The following CSNK2A2IP variants were observed in gnomAD, a reference collection of about 807,000 sequenced individuals.
The protein encoded by CSNK2A2IP is casein kinase 2 subunit alpha' interacting protein, also known as casein kinase II subunit alpha'-interacting protein.
the CSNK2A2IP span, among the ~76,000 whole-genome samples, chr3:88,408,942 C>T: frequency 6.6e-6 from 1 of 151,898 alleles, no homozygotes; most frequent in South Asian, 2.1e-4. Flanking sequence ...TCAGCCACGA[C>T]CACTATTGCC....
At chr3:88,392,947 G>T in the CSNK2A2IP span, among the ~76,000 whole-genome samples, 2 of 152,062 alleles carry the variant, frequency 1.3e-5, no homozygotes, top group Admixed American at 1.3e-4. Flanking sequence ...AATAGCACAA[G>T]GTTTAGGGAA....
chr3:88,342,748 G>A, the CSNK2A2IP span, among the ~76,000 whole-genome samples: 3 of 151,072 alleles, frequency 2.0e-5, no homozygotes, highest in African/African-American at 7.3e-5. Context: ...GTATATACAT[G>A]ACTCTACCAC....
At chr3:88,373,338 T>C in the CSNK2A2IP span, among the ~76,000 whole-genome samples, 1,072 of 151,202 alleles carry the variant, frequency 7.1e-3, 14 homozygotes, top group African/African-American at 0.024. Flanking sequence ...ATATGGAAAA[T>C]CACATGTGTT....
the CSNK2A2IP span, among the ~76,000 whole-genome samples, chr3:88,352,220 T>C: frequency 2.6e-5 from 4 of 152,114 alleles, no homozygotes; most frequent in East Asian, 7.7e-4. Flanking sequence ...CTCTCATCTA[T>C]CTACCTATCT....
At chr3:88,465,155 G>GA in the CSNK2A2IP span, 1 of 392,160 alleles carries the variant, frequency 2.5e-6, no homozygotes, top group East Asian at 3.7e-5. Context: ...CTCAAATGGT[G>GA]ACAATCTTTT....
At chr3:88,423,782 GAA>G in the CSNK2A2IP span, among the ~76,000 whole-genome samples, 2,713 of 152,218 alleles carry the variant, frequency 0.018, 75 homozygotes, top group African/African-American at 0.061. Context: ...CCAGAATGTA[GAA>G]GAGTAGCATC....
chr3:88,454,045 C>T, the CSNK2A2IP span, among the ~76,000 whole-genome samples: 1 of 151,932 alleles, frequency 6.6e-6, no homozygotes, highest in Non-Finnish European at 1.5e-5. Flanking sequence ...TTTTATACTC[C>T]CACCAGCAGT....
At chr3:88,466,268 C>A in the CSNK2A2IP span, 4 of 1,231,596 alleles carry the variant, frequency 3.2e-6, no homozygotes, top group Admixed American at 4.2e-5. Flanking sequence ...AGGCAATCAG[C>A]ATCATCATAT....
chr3:88,454,159 T>C, the CSNK2A2IP span, among the ~76,000 whole-genome samples: 6 of 152,150 alleles, frequency 3.9e-5, no homozygotes, highest in East Asian at 1.2e-3. Context: ...CATGTGATTT[T>C]AATTTGGATT....
the CSNK2A2IP span, among the ~76,000 whole-genome samples, chr3:88,342,212 T>C: frequency 6.6e-6 from 1 of 152,030 alleles, no homozygotes; most frequent in Non-Finnish European, 1.5e-5. Context: ...CAGGAACTTA[T>C]ATATTCTGTT....
chr3:88,450,720 T>C, the CSNK2A2IP span, among the ~76,000 whole-genome samples: 1 of 152,088 alleles, frequency 6.6e-6, no homozygotes. Flanking sequence ...TTAGGGTACA[T>C]GTGGAGTACA....
the CSNK2A2IP span, among the ~76,000 whole-genome samples, chr3:88,363,607 C>T: frequency 1.3e-5 from 2 of 152,098 alleles, no homozygotes; most frequent in Non-Finnish European, 2.9e-5. Flanking sequence ...GATGGGATGT[C>T]ATGCATCATT....
At chr3:88,414,058 G>A in the CSNK2A2IP span, among the ~76,000 whole-genome samples, 1 of 151,406 alleles carries the variant, frequency 6.6e-6, no homozygotes, top group South Asian at 2.1e-4. Flanking sequence ...GTAGAAATTT[G>A]CATTTTCTTT....
chr3:88,344,912 A>T, the CSNK2A2IP span, among the ~76,000 whole-genome samples: 1 of 152,080 alleles, frequency 6.6e-6, no homozygotes, highest in African/African-American at 2.4e-5. Flanking sequence ...AAATAGACTA[A>T]TTCTGGTTTC....
At chr3:88,446,048 T>C in the CSNK2A2IP span, among the ~76,000 whole-genome samples, 7 of 84,494 alleles carry the variant, frequency 8.3e-5, no homozygotes, top group East Asian at 3.4e-4. Flanking sequence ...CTTTCTTTCT[T>C]TCTTTCTTTC....
the CSNK2A2IP span, among the ~76,000 whole-genome samples, chr3:88,389,602 G>C: frequency 6.6e-6 from 1 of 152,192 alleles, no homozygotes; most frequent in Non-Finnish European, 1.5e-5. Context: ...GCTGAGAATA[G>C]ACTGCATGGA....
At chr3:88,457,212 C>A in the CSNK2A2IP span, among the ~76,000 whole-genome samples, 2 of 152,178 alleles carry the variant, frequency 1.3e-5, no homozygotes, top group South Asian at 2.1e-4. Flanking sequence ...GACTTTGACA[C>A]TTTTAAAGAG....
At chr3:88,421,782 C>A in the CSNK2A2IP span, among the ~76,000 whole-genome samples, 1 of 152,104 alleles carries the variant, frequency 6.6e-6, no homozygotes, top group Admixed American at 6.5e-5. Flanking sequence ...TATCAAGAAA[C>A]AACTCCACCA....
the CSNK2A2IP span, among the ~76,000 whole-genome samples, chr3:88,351,237 A>G: frequency 1.3e-5 from 2 of 152,152 alleles, no homozygotes; most frequent in South Asian, 2.1e-4. Context: ...ATTCAGAGAG[A>G]GAAAACTTCA....
Sources: allele counts gnomAD v4.1 joint callset (sites outside exome capture counted in the v4.1 genomes callset), GRCh38; gene constraint gnomAD v4.1.1; transcripts MANE v1.5; gene names NCBI Gene and HGNC (gene_info 2026-07-23, HGNC 2026-07-21).